The following DNAH11 variants were observed in gnomAD, a reference collection of about 807,000 sequenced individuals.
DNAH11 encodes the protein axonemal beta dynein heavy chain 11.
Under a neutral mutation model 526.0 loss-of-function variants are expected in DNAH11, and 442 were observed. The observed-to-expected ratio is 0.84, with a 90% CI of 0.78 to 0.91. The LOEUF (loss-of-function observed/expected upper bound fraction) is 0.91. Among genes scored for constraint, DNAH11 ranks in the 40% least tolerant of loss-of-function variants. The pLI is 0.00. For synonymous variants in DNAH11, 2,461 were observed against 1,935.9 expected (o/e 1.27, Z -7.12); for missense variants, 6,989 against 5,448.7 (o/e 1.28, Z -8.90).
Position 21,873,386 on chromosome 7 carries a change from C to T in DNAH11, c.12080C>T (p.Thr4027Ile), listed in dbSNP as rs1408378374. 4 of 1,613,952 alleles carry T rather than the reference C, an allele frequency of 2.5e-6. No homozygotes were observed. Residue 4027 changes from threonine (T) to isoleucine (I), a missense_variant, in exon 74 of 82, where the codon ACA (threonine) becomes ATA (isoleucine). By Grantham distance (89) the Thr-to-Ile change is moderately conservative (BLOSUM62 -1). Transcript: ENST00000409508. ...TTCATGAGTGCTGAGTCTGCACCTA[C>T]ACCAGATGAGCATATCATCCCTCAA... ...RVFMSAESAP[T>I]PDEHIIPQGL...
chr7:21,720,297 T>G (rs1784823844), intron 43 of DNAH11, among the ~76,000 whole-genome samples: 1 of 152,192 alleles, frequency 6.6e-6, no homozygotes, highest in Admixed American at 6.5e-5. Flanking sequence ...ATCCTCTGCA[T>G]CCATTCCAGT....
intron 68 of DNAH11, among the ~76,000 whole-genome samples, chr7:21,861,420 A>G (rs17145715): frequency 0.16 from 24,161 of 152,256 alleles, 2,293 homozygotes; most frequent in African/African-American, 0.27. Context: ...TAAACGGTAT[A>G]ATTTATGTTC....
chr7:21,658,293 T>C (rs904086926), intron 29 of DNAH11, among the ~76,000 whole-genome samples: 4 of 152,156 alleles, frequency 2.6e-5, no homozygotes, highest in African/African-American at 9.6e-5. Context: ...GAAAACATTT[T>C]ATCTTAAAAC....
intron 65 of DNAH11, among the ~76,000 whole-genome samples, chr7:21,823,500 T>G (rs1375975715): frequency 3.3e-5 from 5 of 152,160 alleles, no homozygotes; most frequent in African/African-American, 1.2e-4. Context: ...AGTTAAGTGT[T>G]AACTGGAAAT....
chr7:21,655,023 T>C (rs1335056235), intron 28 of DNAH11, among the ~76,000 whole-genome samples: 1 of 152,170 alleles, frequency 6.6e-6, no homozygotes, highest in African/African-American at 2.4e-5. Context: ...GCAAAATAAA[T>C]GCTAATGTTT....
intron 55 of DNAH11, among the ~76,000 whole-genome samples, chr7:21,771,650 C>T (rs542009163): frequency 2.0e-5 from 3 of 152,266 alleles, no homozygotes; most frequent in South Asian, 4.1e-4. Context: ...TGGCACTCTG[C>T]TTATTTTTAT....
intron 63 of DNAH11, among the ~76,000 whole-genome samples, chr7:21,808,816 G>A (rs1267556481): frequency 6.6e-6 from 1 of 152,174 alleles, no homozygotes; most frequent in African/African-American, 2.4e-5. Context: ...CCGTGTCTTG[G>A]CTATTGTGAA....
intron 39 of DNAH11, among the ~76,000 whole-genome samples, chr7:21,706,419 G>T (rs1406245085): frequency 1.3e-5 from 2 of 151,876 alleles, no homozygotes; most frequent in Non-Finnish European, 2.9e-5. Flanking sequence ...GAACTTGCCA[G>T]TATTTAGATC....
In DNAH11 at chr7:21,875,562, C is replaced by T. The variant is rs1238621476; in HGVS notation, c.12195+2061C>T. ...CCTACAATCCCAGCACTTTAGGAGG[C>T]TGAGAGGAGGATCACTTGAGCCCAG... On this transcript the variant is annotated intron_variant, in intron 74 of 81. Coordinates refer to ENST00000409508, the MANE Select transcript of DNAH11 (RefSeq NM_001277115.2). Among the ~76,000 whole-genome samples the T allele has an allele frequency of 2.0e-5, 3 of 152,242 alleles. No homozygotes were observed. The East Asian group carries it at 5.8e-4, about 29-fold the overall frequency.
intron 28 of DNAH11, among the ~76,000 whole-genome samples, chr7:21,644,486 A>G (rs1302104863): frequency 2.0e-5 from 3 of 152,220 alleles, no homozygotes; most frequent in East Asian, 1.9e-4. Context: ...TTTAGTTAAA[A>G]TGAAATCCAT....
rs1453952349 is a variant in DNAH11 at position 21,717,806 on chromosome 7, C to T, written c.7015C>T (p.His2339Tyr). 6.2e-7 allele frequency: 1 copy of T among 1,613,800 alleles called. No individual in the cohort carries two copies. The highest frequency in any genetic ancestry group is 2.2e-5 in the East Asian group (1 of 44,878). Residue 2339 changes from histidine to tyrosine, a missense_variant, in exon 43 of 82, where the codon CAT becomes TAT. By Grantham distance (83) the His-to-Tyr change is moderately conservative. Transcript: ENST00000409508. ...GGCCAGTTGGATAGACAGAAGGCGG[C>T]ATCAATCAGAAAAGGCCAATTTGAC... ...YVASWIDRRRHQSEKANLTIL... is the reference protein window; with the variant it reads ...YVASWIDRRRYQSEKANLTIL...
At chr7:21,719,795 C>T (rs527273196) in intron 43 of DNAH11, among the ~76,000 whole-genome samples, 34 of 152,174 alleles carry the variant, frequency 2.2e-4, no homozygotes, top group Non-Finnish European at 4.0e-4. Flanking sequence ...TGATCGCTTG[C>T]GTTGCTGTGT....
In DNAH11 at chr7:21,589,360, T is replaced by C; in HGVS notation, c.2126T>C (p.Phe709Ser). 6.2e-7 allele frequency: 1 copy of C among 1,609,284 alleles called. No individual in the cohort carries two copies. The highest frequency in any genetic ancestry group is 8.5e-7 in the Non-Finnish European group (1 of 1,178,158). ...AATTTGAATCAACCCTTGGTTAAAT[T>C]CAGTGCCATAAATGGTCTTCTCTGT... ...EFNLNQPLVK[F>S]SAINGLLCVN... is the part of the protein sequence containing the mutation. Residue 709 changes from phenylalanine (F) to serine (S), a missense_variant, in exon 12 of 82, where the codon TTC (phenylalanine) becomes TCC (serine). Phe to Ser is a radical substitution (Grantham distance 155). Transcript: ENST00000409508.
At position 21,698,057 on chromosome 7, in the gene DNAH11, T is replaced by G; in HGVS notation, c.6042-18T>G. On this transcript the variant is annotated intron_variant, in intron 35 of 81. Coordinates refer to ENST00000409508, the MANE Select transcript of DNAH11 (RefSeq NM_001277115.2). Reference sequence around the variant, plus strand: ...ACCTTGTCACATTTTAAAACTAAAATTCTTATTTACTTTTTAGACCCTGTG... The same window carrying G: ...ACCTTGTCACATTTTAAAACTAAAAGTCTTATTTACTTTTTAGACCCTGTG... 1 of 1,595,780 alleles carries G rather than the reference T, an allele frequency of 6.3e-7. No homozygotes were observed. The highest frequency in any genetic ancestry group is 1.7e-4 in the Middle Eastern group (1 of 6,002).
At chr7:21,597,704 G>A (rs1400591516) in intron 14 of DNAH11, among the ~76,000 whole-genome samples, 1 of 152,168 alleles carries the variant, frequency 6.6e-6, no homozygotes, top group African/African-American at 2.4e-5. Context: ...CCTTCCACCA[G>A]GCCACTCTCC....
chr7:21,657,748 G>T (rs1453314509), intron 29 of DNAH11, among the ~76,000 whole-genome samples: 3 of 152,288 alleles, frequency 2.0e-5, no homozygotes, highest in Non-Finnish European at 4.4e-5. Context: ...ACTCATGCAT[G>T]TTAACAAAGC....
chr7:21,606,522 A>C lies in DNAH11; in HGVS notation c.3745A>C (p.Lys1249Gln). Residue 1249 changes from lysine to glutamine, a missense_variant, in exon 19 of 82, where the codon AAA becomes CAA. Physicochemically the swap from Lys to Gln is moderately conservative, Grantham distance 53 (BLOSUM62 1). Transcript: ENST00000409508. Reference sequence around the variant, plus strand: ...TAATGCGGAAGTCACTCTTATAAGGAAAAAATGTATTTTGTTTGACGTAAG... The same window carrying C: ...TAATGCGGAAGTCACTCTTATAAGGCAAAAATGTATTTTGTTTGACGTAAG... Reference protein sequence around the residue: ...LHNAEVTLIRKKCILFDAKQA... With the variant: ...LHNAEVTLIRQKCILFDAKQA... 6.2e-7 allele frequency: 1 copy of C among 1,610,480 alleles called. No individual in the cohort carries two copies. The highest frequency in any genetic ancestry group is 1.1e-5 in the South Asian group (1 of 89,506).
chr7:21,759,774 G>A (rs978172595), intron 54 of DNAH11, among the ~76,000 whole-genome samples: 8 of 152,142 alleles, frequency 5.3e-5, no homozygotes, highest in African/African-American at 1.7e-4. Flanking sequence ...AAATAAATAT[G>A]TACTTACGAT....
At chr7:21,624,616 C>G (rs1387184676) in intron 25 of DNAH11, among the ~76,000 whole-genome samples, 1 of 152,112 alleles carries the variant, frequency 6.6e-6, no homozygotes, top group South Asian at 2.1e-4. Flanking sequence ...AGTGGGCATC[C>G]TTATCTTTTT....
Sources: allele counts gnomAD v4.1 joint callset (sites outside exome capture counted in the v4.1 genomes callset), GRCh38; gene constraint gnomAD v4.1.1; transcripts MANE v1.5; gene names NCBI Gene and HGNC (gene_info 2026-07-23, HGNC 2026-07-21).